Variants in PPP2R5A observed in about 807,000 individuals in gnomAD.
PPP2R5A encodes protein phosphatase 2 regulatory subunit B'alpha, also known as serine/threonine-protein phosphatase 2A 56 kDa regulatory subunit alpha isoform.
Under a neutral mutation model 64.2 loss-of-function variants are expected in PPP2R5A, and 25 were observed. The ratio of observed to expected loss-of-function variants is 0.39; its 90% CI spans 0.28 to 0.54. The LOEUF (loss-of-function observed/expected upper bound fraction) is 0.54, where lower values mean the gene tolerates loss of function less well. PPP2R5A is among the 20% of genes least tolerant of loss of function. PPP2R5A has a pLI of 0.67. For synonymous variants in PPP2R5A, 198 were observed against 201.2 expected (o/e 0.98, Z 0.13); for missense variants, 425 against 576.3 (o/e 0.74, Z 2.69).
At chr1:212,351,867 C>A (rs1659885801) in intron 8 of PPP2R5A, among the ~76,000 whole-genome samples, 1 of 152,062 alleles carries the variant, frequency 6.6e-6, no homozygotes, top group Non-Finnish European at 1.5e-5. Flanking sequence ...TTTCCTTCCA[C>A]TCAAAGCTGC....
At chr1:212,352,805 T>C (rs1162528381) in intron 8 of PPP2R5A, 1 of 518,994 alleles carries the variant, frequency 1.9e-6, no homozygotes, top group Admixed American at 1.9e-5. Context: ...TGGCTTAAAA[T>C]AGCAAGCATT....
intron 4 of PPP2R5A, among the ~76,000 whole-genome samples, chr1:212,344,780 A>C (rs811040): frequency 0.011 from 1,727 of 152,230 alleles, 30 homozygotes; most frequent in African/African-American, 0.039. Context: ...AGTTGTGCAG[A>C]ATATAGGAGT....
chr1:212,352,420 G>C (rs780836400), intron 8 of PPP2R5A, among the ~76,000 whole-genome samples: 1 of 151,492 alleles, frequency 6.6e-6, no homozygotes, highest in Non-Finnish European at 1.5e-5. Context: ...TGAGGGTAAG[G>C]AACTACATTT....
intron 1 of PPP2R5A, among the ~76,000 whole-genome samples, chr1:212,321,112 G>A (rs1386949385): frequency 7.2e-6 from 1 of 137,966 alleles, no homozygotes; most frequent in Non-Finnish European, 1.6e-5. Flanking sequence ...GCCGGGCAGA[G>A]GGGCTCCTCT....
intron 8 of PPP2R5A, among the ~76,000 whole-genome samples, chr1:212,350,976 TAAAAA>T (rs61297300): frequency 7.1e-6 from 1 of 141,712 alleles, no homozygotes; most frequent in African/African-American, 2.6e-5. Flanking sequence ...CATTTCTACT[TAAAAA>T]AAAAAAAAAA....
intron 1 of PPP2R5A, among the ~76,000 whole-genome samples, chr1:212,290,964 A>G (rs767665704): frequency 3.3e-5 from 5 of 152,246 alleles, no homozygotes; most frequent in Non-Finnish European, 7.3e-5. Flanking sequence ...CAGGTTTACT[A>G]ACAGAAATAA....
intron 2 of PPP2R5A, chr1:212,331,597 A>G (rs958401787): frequency 2.6e-5 from 4 of 152,182 alleles, no homozygotes; most frequent in African/African-American, 9.6e-5. Context: ...GACTTCTTCA[A>G]GTTTTTTTTA....
At chr1:212,339,992 TAAAAAAAAAAA>T (rs67654928) in intron 3 of PPP2R5A, among the ~76,000 whole-genome samples, 2 of 72,738 alleles carry the variant, frequency 2.7e-5, no homozygotes, top group Non-Finnish European at 4.8e-5. Flanking sequence ...ACATGCTGCT[TAAAAAAAAAAA>T]AAAAAAAAAA....
intron 1 of PPP2R5A, among the ~76,000 whole-genome samples, chr1:212,313,578 C>T (rs147832335): frequency 4.7e-5 from 7 of 150,360 alleles, no homozygotes; most frequent in East Asian, 3.9e-4. Context: ...TTAGTTCTTT[C>T]GGAACTAATT....
At chr1:212,338,988 A>G (rs1349501604) in intron 3 of PPP2R5A, among the ~76,000 whole-genome samples, 1 of 152,180 alleles carries the variant, frequency 6.6e-6, no homozygotes, top group Non-Finnish European at 1.5e-5. Flanking sequence ...ATAATAAAAT[A>G]ATTGGCATAT....
chr1:212,359,457 G>A (rs1440404710), intron 12 of PPP2R5A, among the ~76,000 whole-genome samples: 3 of 152,166 alleles, frequency 2.0e-5, no homozygotes, highest in Admixed American at 2.0e-4. Flanking sequence ...ACATGGCCTA[G>A]TGATTACCTC....
chr1:212,302,031 A>G, intron 1 of PPP2R5A: 2 of 1,521,878 alleles, frequency 1.3e-6, no homozygotes, highest in Non-Finnish European at 1.8e-6. Context: ...ATCACCTCAG[A>G]AGTTTAGTTT....
rs139353869 is a variant in PPP2R5A, at chr1:212,342,451, G to C, written c.573+171G>C. Among the ~76,000 whole-genome samples, 321 of 152,282 alleles carry C rather than the reference G, an allele frequency of 2.1e-3. 5 individuals are homozygous for C. The highest frequency in any genetic ancestry group is 7.5e-3 in the African/African-American group (313 of 41,546). On this transcript the variant is annotated intron_variant, in intron 4 of 12. Transcript: ENST00000261461. ...TGAAGTTAGCTCTGAGAGTACAAGA[G>C]TATTTTTATCAAGGGTGAGAGTCTA...
intron 1 of PPP2R5A, among the ~76,000 whole-genome samples, chr1:212,299,959 C>T (rs1284153511): frequency 6.6e-6 from 1 of 151,968 alleles, no homozygotes. Flanking sequence ...ATTATAGGCT[C>T]CCGCCACCAC....
intron 2 of PPP2R5A, among the ~76,000 whole-genome samples, 162 bp downstream of exon 2, chr1:212,329,493 A>T (rs897543464): frequency 3.3e-5 from 5 of 152,184 alleles, no homozygotes; most frequent in Non-Finnish European, 5.9e-5. Context: ...CCATCATTGC[A>T]TATACAAGTT....
intron 1 of PPP2R5A, among the ~76,000 whole-genome samples, chr1:212,312,733 TTGAC>T (rs1659062386): frequency 6.6e-6 from 1 of 152,316 alleles, no homozygotes; most frequent in African/African-American, 2.4e-5. Flanking sequence ...ATGTATCTCT[TTGAC>T]TGATTCCTAA....
intron 3 of PPP2R5A, among the ~76,000 whole-genome samples, chr1:212,335,301 CCCCA>C: frequency 6.6e-6 from 1 of 152,004 alleles, no homozygotes; most frequent in Admixed American, 6.6e-5. Context: ...CATGGAGAAA[CCCCA>C]TCTCTACTAA....
chr1:212,293,170 G>C (rs369380866), intron 1 of PPP2R5A, among the ~76,000 whole-genome samples: 1 of 152,304 alleles, frequency 6.6e-6, no homozygotes, highest in South Asian at 2.1e-4. Flanking sequence ...AATAGTAAAT[G>C]TAGGTTTAAA....
intron 8 of PPP2R5A, chr1:212,352,706 T>C: frequency 2.1e-6 from 1 of 476,566 alleles, no homozygotes; most frequent in South Asian, 1.5e-5. Context: ...TGCCTTGGCC[T>C]CCCAAAGTGC....
Sources: gnomAD v4.1 joint callset for allele counts (sites outside exome capture counted in the v4.1 genomes callset) on GRCh38, gnomAD v4.1.1 for gene constraint, MANE v1.5 for transcripts, NCBI Gene and HGNC (gene_info 2026-07-23, HGNC 2026-07-21) for gene names.